The following SLIT1 variants were observed in gnomAD, a reference collection of about 807,000 sequenced individuals.
The protein encoded by SLIT1 is slit homolog 1 protein.
Under a neutral mutation model 186.1 loss-of-function variants are expected in SLIT1, and 66 were observed. The observed-to-expected ratio is 0.35, with a 90% CI of 0.29 to 0.44. The LOEUF (loss-of-function observed/expected upper bound fraction) is 0.44, where lower values mean the gene tolerates loss of function less well. SLIT1 is among the 20% of genes least tolerant of loss of function. The probability of loss-of-function intolerance (pLI) is 1.00; values close to 1 mark genes in which losing one functional copy is unlikely to be tolerated. For synonymous variants in SLIT1, 761 were observed against 833.8 expected, an observed-to-expected ratio of 0.91 and a Z score of 1.50; for missense variants, 1,638 against 2,037.4, an observed-to-expected ratio of 0.80 and a Z score of 3.77.
rs1337953525 is a variant in SLIT1 at position 97,096,565 on chromosome 10, C to T, written c.414-30479G>A. Among the ~76,000 whole-genome samples, 5 of 152,176 alleles carry T rather than the reference C, an allele frequency of 3.3e-5. No individual in the cohort carries two copies. The East Asian group carries it at 9.6e-4, about 29-fold the overall frequency. On this transcript the variant is annotated intron_variant, in intron 4 of 36. Coordinates refer to ENST00000266058, the MANE Select transcript of SLIT1 (RefSeq NM_003061.3). ...GCTTCCAGCAGCCAAGCTAAAAAGGCTTCACGGAGCCCGAGCAGGAGGGGC... is the reference window on the plus strand; with the variant it reads ...GCTTCCAGCAGCCAAGCTAAAAAGGTTTCACGGAGCCCGAGCAGGAGGGGC...
chr10:97,004,808 C>T lies in SLIT1; in HGVS notation c.3595G>A (p.Asp1199Asn), dbSNP rs766107000. ...NITLQVSTAE[D>N]NGILLYNGDN... ...CCGTTGTACAGAAGGATCCCATTGT[C>T]CTCTGCCGTGGAGACCTGATGGGCA... The change falls in exon 33 of 37, where the codon GAC becomes AAC. Residue 1199 changes from aspartate (D) to asparagine (N), a missense_variant. Physicochemically the swap from Asp to Asn is conservative, Grantham distance 23. Around this residue, in one of 3 missense-constraint regions of SLIT1, gnomAD observed 173 missense variants for 290.9 expected, o/e 0.59. Coordinates refer to ENST00000266058, the MANE Select transcript of SLIT1 (RefSeq NM_003061.3). The surrounding 1 kb of genome is among the most constrained non-coding windows in gnomAD (Gnocchi z 5.1). 2.0e-5 allele frequency: 32 copies of T among 1,614,072 alleles called. No individual in the cohort carries two copies. Among genetic ancestry groups the T allele is most frequent in the African/African-American group, 1.3e-5 (1 of 74,922 alleles).
chr10:97,123,141 A>T (rs1186618286), intron 4 of SLIT1, among the ~76,000 whole-genome samples: 2 of 152,216 alleles, frequency 1.3e-5, no homozygotes, highest in Admixed American at 6.5e-5. Context: ...AACTGCAGTG[A>T]CAGTTGCCGC....
intron 4 of SLIT1, among the ~76,000 whole-genome samples, chr10:97,112,077 C>G (rs1849469989): frequency 6.6e-6 from 1 of 152,188 alleles, no homozygotes; most frequent in South Asian, 2.1e-4. Flanking sequence ...TCAAACTTAT[C>G]ACGTTCCCTT....
At chr10:97,081,339 A>C (rs1489520248) in intron 4 of SLIT1, among the ~76,000 whole-genome samples, 1 of 152,198 alleles carries the variant, frequency 6.6e-6, no homozygotes, top group Non-Finnish European at 1.5e-5. Context: ...GTGGCAGGAC[A>C]GCTAATGTCA....
chr10:97,043,007 T>C lies in SLIT1; in HGVS notation c.2058A>G (p.Leu686=), dbSNP rs531072725. 46 of 1,614,242 alleles carry C rather than the reference T, an allele frequency of 2.8e-5. 1 individual carries two copies. The East Asian group carries it at 4.0e-4, about 14-fold the overall frequency. ...NCQLAWLGGW[L]RKRKIVTGNP... is the part of the protein sequence containing the mutation. ...TCCCCGTCACGATCTTGCGCTTCCG[T>C]AGCCAGCCTCCTAGCCAGGCCAGCT... Residue 686 remains leucine, a synonymous_variant, in exon 20 of 37, where the codon CTA becomes CTG. Transcript: ENST00000266058. This position sits in a 1 kb window ranked among gnomAD's most constrained non-coding sequence, Gnocchi z 7.0.
At position 97,014,030 on chromosome 10, in the gene SLIT1, A is replaced by AG; in HGVS notation, c.3097dup (p.Leu1033ProfsTer4). On this transcript the variant is annotated frameshift_variant, in exon 29 of 37. Coordinates refer to ENST00000266058, the MANE Select transcript of SLIT1 (RefSeq NM_003061.3). LOFTEE classifies it high-confidence loss of function. Reference sequence around the variant, plus strand: ...CCTGACGCACTTACCCTCATACTGCAGGGGGCACTGGCAGGTGTAGTTGCC... The same window carrying AG: ...CCTGACGCACTTACCCTCATACTGCAGGGGGGCACTGGCAGGTGTAGTTGCC... 1 of 1,613,712 alleles carries AG rather than the reference A, an allele frequency of 6.2e-7. No homozygotes were observed. Among genetic ancestry groups the AG allele is most frequent in the Non-Finnish European group, 8.5e-7 (1 of 1,180,016 alleles).
At chr10:97,078,475 G>A (rs1347427407) in intron 4 of SLIT1, among the ~76,000 whole-genome samples, 1 of 152,182 alleles carries the variant, frequency 6.6e-6, no homozygotes, top group Non-Finnish European at 1.5e-5. Flanking sequence ...CTTGAACCCG[G>A]CTGTTTGCTA....
At chr10:97,146,534 A>G (rs978998196) in intron 4 of SLIT1, among the ~76,000 whole-genome samples, 1 of 151,774 alleles carries the variant, frequency 6.6e-6, no homozygotes, top group African/African-American at 2.4e-5. Flanking sequence ...GGGCTCTGTG[A>G]CTACCCACAC....
chr10:97,035,995 T>A (rs1250574568), intron 22 of SLIT1, among the ~76,000 whole-genome samples: 2 of 152,122 alleles, frequency 1.3e-5, no homozygotes, highest in Non-Finnish European at 2.9e-5. Flanking sequence ...GGAACCCTTA[T>A]CACCCACACG....
chr10:97,003,392 G>C (rs910402839), intron 34 of SLIT1, among the ~76,000 whole-genome samples: 1 of 152,260 alleles, frequency 6.6e-6, no homozygotes, highest in African/African-American at 2.4e-5. Context: ...CACTGCTTTT[G>C]TGGCTGTCCC....
At chr10:97,179,798 C>CCA (rs1850307341) in intron 1 of SLIT1, among the ~76,000 whole-genome samples, 1 of 129,320 alleles carries the variant, frequency 7.7e-6, no homozygotes. Flanking sequence ...TTCTCCACAC[C>CCA]CTCCCCGCCC....
At position 97,047,895 on chromosome 10, in the gene SLIT1, G is replaced by A. The variant is rs1488435466; in HGVS notation, c.1490-61C>T. The A allele has an allele frequency of 1.9e-6, 3 of 1,613,262 alleles. No homozygotes were observed. In the African/African-American group the frequency reaches 4.0e-5, roughly 22 times the overall value. On this transcript the variant is annotated intron_variant, in intron 15 of 36. Transcript: ENST00000266058. ...CCGGGGCCGGCTCCCAGCAGTTTGGGTCAACCAAGGCCCCCAGCCTGCCCA... is the reference window on the plus strand; with the variant it reads ...CCGGGGCCGGCTCCCAGCAGTTTGGATCAACCAAGGCCCCCAGCCTGCCCA...
In SLIT1 at chr10:97,043,245, C is replaced by T. The variant is rs929114356; in HGVS notation, c.1997+125G>A. 5.9e-6 allele frequency: 8 copies of T among 1,367,048 alleles called. No homozygotes were observed. The highest frequency in any genetic ancestry group is 8.2e-6 in the Non-Finnish European group (8 of 980,524). 84.7% of individuals were successfully genotyped at this position (1,367,048 alleles called of 1,614,324 possible). On this transcript the variant is annotated intron_variant, in intron 19 of 36. Coordinates refer to ENST00000266058, the MANE Select transcript of SLIT1 (RefSeq NM_003061.3). The surrounding 1 kb of genome is among the most constrained non-coding windows in gnomAD (Gnocchi z 7.0). ...CGGAGGGAGACTTCGAAATGTGGAA[C>T]CCACGTTTCAGCAAACCACGAAGAC...
chr10:97,007,439 A>G (rs763051455), intron 31 of SLIT1, among the ~76,000 whole-genome samples: 7 of 152,216 alleles, frequency 4.6e-5, no homozygotes, highest in South Asian at 2.1e-4. Context: ...AACTCATTCT[A>G]TGAGACCAGC....
intron 4 of SLIT1, among the ~76,000 whole-genome samples, chr10:97,084,107 G>A (rs1435239058): frequency 6.6e-6 from 1 of 152,202 alleles, no homozygotes; most frequent in Non-Finnish European, 1.5e-5. Context: ...CCAAATTCTG[G>A]GGGAGACAGG....
Position 97,064,231 on chromosome 10 carries a change from T to G in SLIT1, c.566A>C (p.Asn189Thr). Residue 189 changes from asparagine (N) to threonine (T), a missense_variant, in exon 7 of 37, where the codon AAC becomes ACC. By Grantham distance (65) the Asn-to-Thr change is moderately conservative. Coordinates refer to ENST00000266058, the MANE Select transcript of SLIT1 (RefSeq NM_003061.3). ...GGGGATGGTGGTGATATTGTTGTTG[T>G]TCAGGGTCCTAAATGGGAAAAACCA... ...ALRGLEVLTL[N>T]NNNITTIPVS... 2.5e-6 allele frequency: 4 copies of G among 1,613,742 alleles called. No individual in the cohort carries two copies. Among genetic ancestry groups the G allele is most frequent in the Non-Finnish European group, 3.4e-6 (4 of 1,179,836 alleles).
intron 4 of SLIT1, among the ~76,000 whole-genome samples, chr10:97,150,314 T>A (rs1849863489): frequency 6.6e-6 from 1 of 152,116 alleles, no homozygotes; most frequent in African/African-American, 2.4e-5. Flanking sequence ...TTTTAACAGC[T>A]CTTCATTTCA....
At chr10:97,171,340 A>G (rs1287938495) in intron 1 of SLIT1, among the ~76,000 whole-genome samples, 1 of 152,088 alleles carries the variant, frequency 6.6e-6, no homozygotes, top group African/African-American at 2.4e-5. Context: ...CACCCGCCCC[A>G]TGCCTCTATC....
chr10:97,095,339 G>A (rs948155217), intron 4 of SLIT1, among the ~76,000 whole-genome samples: 4 of 152,186 alleles, frequency 2.6e-5, no homozygotes, highest in Non-Finnish European at 5.9e-5. Flanking sequence ...ATGCTTTCCA[G>A]CCAGAGTCCA....
Sources: allele counts gnomAD v4.1 joint callset (sites outside exome capture counted in the v4.1 genomes callset), GRCh38; gene constraint gnomAD v4.1.1; regional missense constraint gnomAD v4.1.1; non-coding constraint Gnocchi (gnomAD v3.1); transcripts MANE v1.5; gene names NCBI Gene and HGNC (gene_info 2026-07-23, HGNC 2026-07-21).